The following MYT1L variants were observed in gnomAD, a reference collection of about 807,000 sequenced individuals.
MYT1L encodes myelin transcription factor 1 like.
MYT1L carries 12 observed loss-of-function variants against 126.7 expected under a neutral mutation model. The observed-to-expected ratio is 0.09, with a 90% CI of 0.06 to 0.15. The LOEUF (loss-of-function observed/expected upper bound fraction) is 0.15, where lower values mean the gene tolerates loss of function less well. MYT1L is among the 10% of genes least tolerant of loss of function. The probability of loss-of-function intolerance (pLI) is 1.00; values close to 1 mark genes in which losing one functional copy is unlikely to be tolerated. For missense variants in MYT1L, 979 were observed against 1,585.2 expected (o/e 0.62, Z 6.49); for synonymous variants, 541 against 604.2 (o/e 0.90, Z 1.53).
intron 1 of MYT1L, among the ~76,000 whole-genome samples, chr2:2,305,002 A>C (rs1340470573): frequency 6.6e-6 from 1 of 152,230 alleles, no homozygotes; most frequent in Non-Finnish European, 1.5e-5. Context: ...GAAGTATAAG[A>C]TATCTCATTA....
chr2:2,042,132 G>A (rs1310094081), intron 4 of MYT1L, among the ~76,000 whole-genome samples: 2 of 152,170 alleles, frequency 1.3e-5, no homozygotes, highest in Non-Finnish European at 2.9e-5. Context: ...AGGCAGCCCC[G>A]CAATCCTGAG....
chr2:2,251,914 A>C (rs1572854931), intron 2 of MYT1L, among the ~76,000 whole-genome samples: 1 of 151,858 alleles, frequency 6.6e-6, no homozygotes, highest in Admixed American at 6.5e-5. Flanking sequence ...GAAAAGAAAA[A>C]GAAAGAAAGA....
At chr2:2,278,113 T>G (rs2095393350) in intron 2 of MYT1L, among the ~76,000 whole-genome samples, 1 of 152,222 alleles carries the variant, frequency 6.6e-6, no homozygotes, top group Non-Finnish European at 1.5e-5. Flanking sequence ...AAATAAAAGC[T>G]TTTACTTTTA....
intron 3 of MYT1L, among the ~76,000 whole-genome samples, chr2:2,113,564 C>T (rs567361257): frequency 6.6e-6 from 1 of 152,338 alleles, no homozygotes; most frequent in Admixed American, 6.5e-5. Flanking sequence ...GTCCATCTCA[C>T]TCTCCTCATT....
intron 4 of MYT1L, among the ~76,000 whole-genome samples, chr2:1,999,455 T>A (rs1486095760): frequency 6.6e-6 from 1 of 152,196 alleles, no homozygotes; most frequent in Non-Finnish European, 1.5e-5. Flanking sequence ...GAAGCTGGAA[T>A]TGACACAGTT....
At chr2:1,819,993 C>T (rs2038272285) in intron 21 of MYT1L, among the ~76,000 whole-genome samples, 1 of 150,642 alleles carries the variant, frequency 6.6e-6, no homozygotes, top group Non-Finnish European at 1.5e-5. Context: ...AGCTCACTGG[C>T]AGCAGCCTGG....
At chr2:2,047,306 T>C (rs1278544322) in intron 4 of MYT1L, among the ~76,000 whole-genome samples, 1 of 152,234 alleles carries the variant, frequency 6.6e-6, no homozygotes, top group Non-Finnish European at 1.5e-5. Context: ...GATTTTACGC[T>C]GGATTTATTT....
chr2:2,178,138 T>C (rs949244561), intron 2 of MYT1L, among the ~76,000 whole-genome samples: 3 of 152,156 alleles, frequency 2.0e-5, no homozygotes, highest in Admixed American at 2.0e-4. Context: ...CCATGTAACA[T>C]TTATGTAACA....
intron 3 of MYT1L, among the ~76,000 whole-genome samples, chr2:2,066,103 C>CA (rs754195175): frequency 2.2e-4 from 33 of 151,760 alleles, no homozygotes; most frequent in Admixed American, 5.2e-4. Flanking sequence ...TTTCAATTTC[C>CA]AAAAAAAGTG....
At chr2:2,251,322 C>T (rs17039459) in intron 2 of MYT1L, among the ~76,000 whole-genome samples, 2,007 of 152,234 alleles carry the variant, frequency 0.013, 44 homozygotes, top group African/African-American at 0.046. Context: ...ATGACCTAGA[C>T]GTGGAGATAC....
Position 2,158,703 on chromosome 2 carries a change from T to TACAC in MYT1L, c.-304+14165_-304+14168dup, listed in dbSNP as rs34075925. On this transcript the variant is annotated intron_variant, in intron 3 of 24. Transcript: ENST00000647738. The stretch of plus-strand genomic sequence containing the variant: ...ACATACAGATGCACAAACATTCAAG[T>TACAC]ACACACACACACACACACACACACA... Among the ~76,000 whole-genome samples, 305 of 144,458 alleles carry TACAC rather than the reference T, an allele frequency of 2.1e-3. 1 individual carries two copies. Among genetic ancestry groups the TACAC allele is most frequent in the African/African-American group, 3.9e-3 (152 of 39,438 alleles). The allele number at this position is 144,458 out of a possible 152,430, so 94.8% of individuals were successfully genotyped here.
In MYT1L at chr2:2,229,392, G is replaced by T. The variant is rs183957373; in HGVS notation, c.-421+55012C>A. Among the ~76,000 whole-genome samples the T allele has an allele frequency of 1.3e-3, 198 of 152,070 alleles. 2 individuals carry two copies. Among genetic ancestry groups the T allele is most frequent in the African/African-American group, 4.5e-3 (186 of 41,498 alleles). ...CTGGCTAGCACAATGAGCATCCCTA[G>T]CCACATATTCTTGAACACTTATAAA... is the stretch of plus-strand genomic sequence containing the variant. On this transcript the variant is annotated intron_variant, in intron 2 of 24. Transcript: ENST00000647738.
At chr2:2,263,407 A>T (rs2095039258) in intron 2 of MYT1L, among the ~76,000 whole-genome samples, 1 of 152,144 alleles carries the variant, frequency 6.6e-6, no homozygotes, top group African/African-American at 2.4e-5. Flanking sequence ...TGCCTGATGA[A>T]GGAAACAATT....
intron 3 of MYT1L, among the ~76,000 whole-genome samples, chr2:2,146,187 T>C (rs1445189842): frequency 1.3e-5 from 2 of 152,236 alleles, no homozygotes; most frequent in African/African-American, 2.4e-5. Context: ...TTACAAAATA[T>C]TAATATTATG....
At position 1,809,516 on chromosome 2, in the gene MYT1L, G is replaced by A. The variant is rs573867777; in HGVS notation, c.3081-349C>T. Among the ~76,000 whole-genome samples the A allele has an allele frequency of 3.9e-5, 6 of 152,208 alleles. No individual in the cohort carries two copies. In the South Asian group the frequency reaches 1.2e-3, roughly 32 times the overall value. ...GGAACTTTTGTAGAGTGATAATATT[G>A]CTTAAAAATCTTTATTATGGAAAGC... On this transcript the variant is annotated intron_variant, in intron 21 of 24. Coordinates refer to ENST00000647738, the MANE Select transcript of MYT1L (RefSeq NM_001303052.2).
chr2:2,012,123 GTA>G (rs2063888465), intron 4 of MYT1L, among the ~76,000 whole-genome samples: 2 of 152,192 alleles, frequency 1.3e-5, no homozygotes, highest in Admixed American at 6.5e-5. Context: ...TATAAAGACT[GTA>G]TATGTTTACT....
chr2:1,877,452 T>C (rs1417904950), intron 18 of MYT1L, among the ~76,000 whole-genome samples: 3 of 152,176 alleles, frequency 2.0e-5, no homozygotes, highest in African/African-American at 7.2e-5. Context: ...TAGGTTTATG[T>C]CCAAAAAGTC....
intron 5 of MYT1L, among the ~76,000 whole-genome samples, chr2:1,983,178 C>T (rs950571651): frequency 3.3e-5 from 5 of 152,254 alleles, no homozygotes; most frequent in South Asian, 4.1e-4. Flanking sequence ...TTCCCTCCTC[C>T]GTCGGTTCCT....
intron 2 of MYT1L, among the ~76,000 whole-genome samples, chr2:2,271,183 A>C (rs1338819131): frequency 6.6e-6 from 1 of 152,208 alleles, no homozygotes; most frequent in Non-Finnish European, 1.5e-5. Context: ...CAGTCTGGCC[A>C]GGTCACAGGG....
Sources: allele counts gnomAD v4.1 joint callset (sites outside exome capture counted in the v4.1 genomes callset), GRCh38; gene constraint gnomAD v4.1.1; transcripts MANE v1.5; gene names NCBI Gene and HGNC (gene_info 2026-07-23, HGNC 2026-07-21).